The following ARRB2 variants were observed in gnomAD, a reference collection of about 807,000 sequenced individuals.
ARRB2 encodes the protein arrestin beta 2, also known as beta-arrestin-2.
In ARRB2, 21 loss-of-function variants were observed where a neutral mutation model predicts 53.4. That is an observed-to-expected ratio of 0.39 (90% CI 0.28 to 0.57). ARRB2 has a LOEUF of 0.57. Among genes scored for constraint, ARRB2 ranks in the 20% least tolerant of loss-of-function variants. The pLI, the probability that ARRB2 is intolerant of heterozygous loss-of-function variation, is 0.55. For synonymous variants in ARRB2, 180 were observed against 212.9 expected (o/e 0.85, Z 1.34); for missense variants, 369 against 527.5 (o/e 0.70, Z 2.94).
chr17:4,717,049 G>C lies in ARRB2; in HGVS notation c.358-168G>C. 1 of 760,548 alleles carries C rather than the reference G, an allele frequency of 1.3e-6. No homozygotes were observed. The highest frequency in any genetic ancestry group is 2.2e-6 in the Non-Finnish European group (1 of 448,756). The allele number at this position is 760,548 out of a possible 1,614,324, so 47.1% of individuals were successfully genotyped here. On this transcript the variant is annotated intron_variant, in intron 5 of 14. Transcript: ENST00000269260. The surrounding 1 kb of genome is among the most constrained non-coding windows in gnomAD (Gnocchi z 6.0). Reference sequence around the variant, plus strand: ...GGGTTTTGCCACGTTGGTCAGGCTGGTCTGGAACCCCTGACCTCAGGTGAT... The same window carrying C: ...GGGTTTTGCCACGTTGGTCAGGCTGCTCTGGAACCCCTGACCTCAGGTGAT...
chr17:4,719,557 A>G, intron 11 of ARRB2, 137 bp downstream of exon 11: 1 of 1,276,218 alleles, frequency 7.8e-7, no homozygotes, highest in South Asian at 1.5e-5. Flanking sequence ...GAGGGAGGAT[A>G]GCCAAATCTG....
intron 10 of ARRB2, 143 bp from the exon 11 acceptor site, chr17:4,719,140 G>A (rs1002333217): frequency 1.0e-5 from 10 of 980,362 alleles, no homozygotes; most frequent in African/African-American, 3.3e-5. Context: ...TCTTGAGCAC[G>A]TTGAGCCAAA....
At chr17:4,714,263 C>T (rs1914726104) in intron 1 of ARRB2, among the ~76,000 whole-genome samples, 1 of 152,182 alleles carries the variant, frequency 6.6e-6, no homozygotes, top group Admixed American at 6.5e-5. Context: ...CCTTAAAAGA[C>T]AAATAGGCTT....
rs780678997 is a variant in ARRB2, at chr17:4,716,481, G to A, written c.230G>A (p.Arg77His). Reference sequence around the variant, plus strand: ...CTGGATGTGCTGGGCTTGTCCTTCCGCAAAGACCTGTTCATCGCCACCTAC... The same window carrying A: ...CTGGATGTGCTGGGCTTGTCCTTCCACAAAGACCTGTTCATCGCCACCTAC... ...EDLDVLGLSF[R>H]KDLFIATYQA... Residue 77 changes from arginine to histidine, a missense_variant, in exon 5 of 15, where the codon CGC becomes CAC. Arg to His is a conservative substitution (Grantham distance 29). Coordinates refer to ENST00000269260, the MANE Select transcript of ARRB2 (RefSeq NM_004313.4). 21 of 1,613,966 alleles carry A rather than the reference G, an allele frequency of 1.3e-5. No individual in the cohort carries two copies. The highest frequency in any genetic ancestry group is 3.3e-5 in the South Asian group (3 of 91,080).
rs565748597 is a variant in ARRB2 at position 4,712,965 on chromosome 17, G to C, written c.24-2048G>C. 5.3e-5 allele frequency among the ~76,000 whole-genome samples: 8 copies of C among 151,860 alleles called. No homozygotes were observed. In the East Asian group the frequency reaches 1.5e-3, roughly 29 times the overall value. The stretch of plus-strand genomic sequence containing the variant: ...ATATTAGGAGCTCCATCACTGGGTG[G>C]TTTTATTTAATTTAATTAATTTATT... On this transcript the variant is annotated intron_variant, in intron 1 of 14. Transcript: ENST00000269260.
At chr17:4,713,823 G>T (rs1325708813) in intron 1 of ARRB2, among the ~76,000 whole-genome samples, 2 of 151,544 alleles carry the variant, frequency 1.3e-5, no homozygotes, top group Non-Finnish European at 2.9e-5. Context: ...ACATAGCCGG[G>T]CATGGTGGCT....
At position 4,719,506 on chromosome 17, in the gene ARRB2, C is replaced by T; in HGVS notation, c.917+86C>T. Reference sequence around the variant, plus strand: ...CTATCCTAGTGTGCCAGGGATGTATCAGTGAACAGAAGAGACAAAAAGAAC... The same window carrying T: ...CTATCCTAGTGTGCCAGGGATGTATTAGTGAACAGAAGAGACAAAAAGAAC... On this transcript the variant is annotated intron_variant, in intron 11 of 14. Coordinates refer to ENST00000269260, the MANE Select transcript of ARRB2 (RefSeq NM_004313.4). 24 of 1,536,012 alleles carry T rather than the reference C, an allele frequency of 1.6e-5. No individual in the cohort carries two copies. The South Asian group carries it at 2.9e-4, about 18-fold the overall frequency.
intron 1 of ARRB2, among the ~76,000 whole-genome samples, chr17:4,714,169 A>G (rs1204043875): frequency 6.6e-6 from 1 of 152,108 alleles, no homozygotes; most frequent in Non-Finnish European, 1.5e-5. Context: ...ACCACACCAC[A>G]AGTAAAACAT....
rs766085532 is a variant in ARRB2, at chr17:4,720,202, A to G, written c.918-14A>G. The G allele has an allele frequency of 3.1e-6, 5 of 1,607,224 alleles. No homozygotes were observed. The African/African-American group carries it at 6.7e-5, about 22-fold the overall frequency. On this transcript the variant is annotated splice_polypyrimidine_tract_variant and intron_variant, in intron 11 of 14. Transcript: ENST00000269260. ...TGATAGGCCCTGGTCTGACTCCAAC[A>G]CCCTCAATTGCAGCGTGAAGGAGGG... is the stretch of plus-strand genomic sequence containing the variant.
chr17:4,720,862 C>T, intron 14 of ARRB2, 84 bp from the exon 15 acceptor site: 4 of 1,418,676 alleles, frequency 2.8e-6, no homozygotes, highest in Non-Finnish European at 4.0e-6. Flanking sequence ...GTCCCAGAGG[C>T]CTAGCTTCGG....
chr17:4,716,652 G>A (rs1180329906), intron 5 of ARRB2, 44 bp downstream of exon 5: 1 of 1,543,442 alleles, frequency 6.5e-7, no homozygotes, highest in Non-Finnish European at 8.7e-7. Flanking sequence ...GCTGGGGCTG[G>A]GACTGTGTCT....
Position 4,720,243 on chromosome 17 carries a change from G to A in ARRB2, c.945G>A (p.Val315=), listed in dbSNP as rs1431052580. 4 of 1,613,862 alleles carry A rather than the reference G, an allele frequency of 2.5e-6. No individual in the cohort carries two copies. In the South Asian group the frequency reaches 4.4e-5, roughly 18 times the overall value. ...TIVKEGANKE[V]LGILVSYRVK... is the part of the protein sequence containing the mutation. The stretch of plus-strand genomic sequence containing the variant: ...TGAAGGAGGGTGCCAACAAGGAGGT[G>A]CTGGGAATCCTGGTGTCCTACAGGG... The change falls in exon 12 of 15, where the codon GTG becomes GTA. Residue 315 remains valine, a synonymous_variant. Coordinates refer to ENST00000269260, the MANE Select transcript of ARRB2 (RefSeq NM_004313.4).
chr17:4,717,552 A>G lies in ARRB2; in HGVS notation c.418-133A>G. The G allele has an allele frequency of 1.6e-6, 2 of 1,225,736 alleles. No individual in the cohort carries two copies. 75.9% of individuals were successfully genotyped at this position (1,225,736 alleles called of 1,614,324 possible). On this transcript the variant is annotated intron_variant, in intron 6 of 14. Coordinates refer to ENST00000269260, the MANE Select transcript of ARRB2 (RefSeq NM_004313.4). This position sits in a 1 kb window ranked among gnomAD's most constrained non-coding sequence, Gnocchi z 6.0. ...GTTCTGGGCTTTGGAGAGGAAGAAG[A>G]CTTAGTCCCCAGGGTCGTGAGACCA... is the stretch of plus-strand genomic sequence containing the variant.
At position 4,717,746 on chromosome 17, in the gene ARRB2, A is replaced by G. The variant is rs375238507; in HGVS notation, c.479A>G (p.His160Arg). Reference sequence around the variant, plus strand: ...GCTAAATCACTAGAAGAGAAAAGCCACAAAAGGTAAGGGAAGTGACCTCCT... The same window carrying G: ...GCTAAATCACTAGAAGAGAAAAGCCGCAAAAGGTAAGGGAAGTGACCTCCT... ...FCAKSLEEKS[H>R]KRNSVRLVIR... Residue 160 changes from histidine (H) to arginine (R), a missense_variant, in exon 7 of 15, where the codon CAC becomes CGC. Coordinates refer to ENST00000269260, the MANE Select transcript of ARRB2 (RefSeq NM_004313.4). This position sits in a 1 kb window ranked among gnomAD's most constrained non-coding sequence, Gnocchi z 6.0. 1 of 1,613,016 alleles carries G rather than the reference A, an allele frequency of 6.2e-7. No homozygotes were observed. The highest frequency in any genetic ancestry group is 8.5e-7 in the Non-Finnish European group (1 of 1,179,570).
rs745795485 is a variant in ARRB2, at chr17:4,715,027, C to T, written c.38C>T (p.Ser13Leu). 16 of 1,605,004 alleles carry T rather than the reference C, an allele frequency of 1.0e-5. No individual in the cohort carries two copies. Among genetic ancestry groups the T allele is most frequent in the Admixed American group, 1.7e-5 (1 of 58,562 alleles). ...TGTTTTGTTAGGGTCTTCAAGAAGTCGAGCCCTAACTGCAAGGTGAGTCTC... is the reference window on the plus strand; with the variant it reads ...TGTTTTGTTAGGGTCTTCAAGAAGTTGAGCCCTAACTGCAAGGTGAGTCTC... ...EKPGTRVFKK[S>L]SPNCKLTVYL... Residue 13 changes from serine to leucine, a missense_variant, in exon 2 of 15, where the codon TCG becomes TTG. Transcript: ENST00000269260.
At chr17:4,716,715 G>A in intron 5 of ARRB2, 107 bp downstream of exon 5, 1 of 1,469,538 alleles carries the variant, frequency 6.8e-7, no homozygotes, top group Non-Finnish European at 9.0e-7. Context: ...CAGTGAGGCA[G>A]GGACCCTAGA....
Position 4,717,783 on chromosome 17 carries a change from G to A in ARRB2, c.485+31G>A, listed in dbSNP as rs768104540. On this transcript the variant is annotated intron_variant, in intron 7 of 14. Transcript: ENST00000269260. The surrounding 1 kb of genome is among the most constrained non-coding windows in gnomAD (Gnocchi z 6.0). ...GGAAGTGACCTCCTCTGTGGTGTAA[G>A]AGGAGGCTTTCCTCCCCGCTTCCAG... 5.6e-6 allele frequency: 9 copies of A among 1,601,990 alleles called. No homozygotes were observed. The highest frequency in any genetic ancestry group is 7.7e-6 in the Non-Finnish European group (9 of 1,173,916).
rs11463798 is a variant in ARRB2, at chr17:4,718,782, CTT to C, written c.779+112_779+113del. The C allele has an allele frequency of 3.9e-3, 3,338 of 860,462 alleles. 12 individuals carry two copies. The highest frequency in any genetic ancestry group is 4.5e-3 in the South Asian group (234 of 52,416). The allele number at this position is 860,462 out of a possible 1,614,324, so 53.3% of individuals were successfully genotyped here. On this transcript the variant is annotated intron_variant, in intron 10 of 14. Transcript: ENST00000269260. Reference sequence around the variant, plus strand: ...AGAATTCTTCCTGAGCCATCTCCACCTTTTTTTTTTTTTTTGAGATGGAGTTT... The same window carrying C: ...AGAATTCTTCCTGAGCCATCTCCACCTTTTTTTTTTTTTGAGATGGAGTTT...
intron 2 of ARRB2, chr17:4,715,726 A>ACACAAACACAC (rs1567681737): frequency 1.2e-4 from 30 of 251,826 alleles, no homozygotes; most frequent in Admixed American, 4.7e-4. Context: ...CACACACACA[A>ACACAAACACAC]ACACACACAC....
Sources: gnomAD v4.1 joint callset for allele counts (sites outside exome capture counted in the v4.1 genomes callset) on GRCh38, gnomAD v4.1.1 for gene constraint, Gnocchi (gnomAD v3.1) non-coding constraint, MANE v1.5 for transcripts, NCBI Gene and HGNC (gene_info 2026-07-23, HGNC 2026-07-21) for gene names.